Variants in ALPK2 observed in about 807,000 individuals in gnomAD.
ALPK2 encodes the protein alpha kinase 2.
A neutral mutation model predicts 163.1 loss-of-function variants in ALPK2; 127 were observed. That is an observed-to-expected ratio of 0.78 (90% CI 0.67 to 0.90). ALPK2 has a LOEUF of 0.90. Ranked by LOEUF, ALPK2 falls within the 40% of genes least tolerant of loss-of-function variation. ALPK2 has a pLI of 0.00. For missense variants in ALPK2, 2,360 were observed against 2,589.6 expected, an observed-to-expected ratio of 0.91 and a Z score of 1.92; for synonymous variants, 953 against 959.1, an observed-to-expected ratio of 0.99 and a Z score of 0.12.
intron 4 of ALPK2, chr18:58,544,518 G>GACAAGATGTACATGGAAA (rs1273994195): frequency 5.3e-5 from 8 of 152,298 alleles, no homozygotes; most frequent in African/African-American, 1.9e-4. Flanking sequence ...CAGTTGAAGA[G>GACAAGATGTACATGGAAA]ACAAGATGTA....
chr18:58,588,595 C>T (rs1036182232), intron 3 of ALPK2, among the ~76,000 whole-genome samples: 1 of 152,142 alleles, frequency 6.6e-6, no homozygotes, highest in Non-Finnish European at 1.5e-5. Flanking sequence ...AAACCCTGTC[C>T]ACCGACAGGC....
At chr18:58,518,761 C>G (rs1437499363) in intron 8 of ALPK2, among the ~76,000 whole-genome samples, 2 of 152,158 alleles carry the variant, frequency 1.3e-5, no homozygotes, top group African/African-American at 4.8e-5. Flanking sequence ...GGAGATTTTC[C>G]AGGGCTGTGG....
chr18:58,526,345 T>G (rs1382284766), intron 6 of ALPK2, among the ~76,000 whole-genome samples: 1 of 152,156 alleles, frequency 6.6e-6, no homozygotes, highest in Non-Finnish European at 1.5e-5. Flanking sequence ...AGCCAGGGCT[T>G]GGCAGCACCC....
chr18:58,556,388 A>G (rs1453039459), intron 4 of ALPK2, among the ~76,000 whole-genome samples: 1 of 152,242 alleles, frequency 6.6e-6, no homozygotes, highest in Non-Finnish European at 1.5e-5. Flanking sequence ...GCCTGGAGTC[A>G]GCAGCCTGCA....
chr18:58,580,141 G>T lies in ALPK2; in HGVS notation c.635C>A (p.Ala212Glu). 1 of 1,614,194 alleles carries T rather than the reference G, an allele frequency of 6.2e-7. No individual in the cohort carries two copies. Among genetic ancestry groups the T allele is most frequent in the South Asian group, 1.1e-5 (1 of 91,084 alleles). Residue 212 changes from alanine to glutamate, a missense_variant, in exon 4 of 13, where the codon GCA (alanine) becomes GAA (glutamate). Ala to Glu is a moderately radical substitution (Grantham distance 107). Coordinates refer to ENST00000361673, the MANE Select transcript of ALPK2 (RefSeq NM_052947.4). Reference sequence around the variant, plus strand: ...TGAATTAAGAAAAAGCAACCCATTTGCAATTTCTTCTGTGTTACTTGGATC... The same window carrying T: ...TGAATTAAGAAAAAGCAACCCATTTTCAATTTCTTCTGTGTTACTTGGATC... Reference protein sequence around the residue: ...AYDPSNTEEIANGLLFLNSSH... With the variant: ...AYDPSNTEEIENGLLFLNSSH...
At chr18:58,554,529 C>T (rs541200309) in intron 4 of ALPK2, among the ~76,000 whole-genome samples, 3 of 152,216 alleles carry the variant, frequency 2.0e-5, no homozygotes, top group Non-Finnish European at 4.4e-5. Context: ...CCTCCTTCCA[C>T]CCCATGGGGG....
At chr18:58,616,600 G>A (rs1424755599) in intron 1 of ALPK2, among the ~76,000 whole-genome samples, 5 of 152,158 alleles carry the variant, frequency 3.3e-5, no homozygotes, top group South Asian at 2.1e-4. Flanking sequence ...AGCTGAACAC[G>A]TGGAGGCTGA....
chr18:58,603,110 T>A (rs2052079696), intron 3 of ALPK2, among the ~76,000 whole-genome samples: 2 of 152,258 alleles, frequency 1.3e-5, no homozygotes, highest in African/African-American at 2.4e-5. Flanking sequence ...CCTATACCGC[T>A]GCTCTGCCAT....
At chr18:58,514,710 G>C (rs114766117) in intron 10 of ALPK2, among the ~76,000 whole-genome samples, 2,187 of 151,898 alleles carry the variant, frequency 0.014, 48 homozygotes, top group African/African-American at 0.05. Context: ...TAACATGGTA[G>C]ATTCATTTAT....
chr18:58,537,678 A>G lies in ALPK2; in HGVS notation c.2509T>C (p.Ser837Pro). 1 of 1,614,074 alleles carries G rather than the reference A, an allele frequency of 6.2e-7. No individual in the cohort carries two copies. Among genetic ancestry groups the G allele is most frequent in the South Asian group, 1.1e-5 (1 of 91,066 alleles). Reference sequence around the variant, plus strand: ...CCTTCTGCCAGTTCCGTATCTACAGAGCAAATTTCTTGAGGCGAATATTTA... The same window carrying G: ...CCTTCTGCCAGTTCCGTATCTACAGGGCAAATTTCTTGAGGCGAATATTTA... ...VDKYSPQEIC[S>P]VDTELAEGQN... The change falls in exon 5 of 13, where the codon TCT becomes CCT. Residue 837 changes from serine (S) to proline (P), a missense_variant. Coordinates refer to ENST00000361673, the MANE Select transcript of ALPK2 (RefSeq NM_052947.4).
chr18:58,513,136 C>T (rs1218716639), intron 10 of ALPK2, among the ~76,000 whole-genome samples: 2 of 125,390 alleles, frequency 1.6e-5, no homozygotes, highest in Non-Finnish European at 3.3e-5. Flanking sequence ...TGTATGTAAT[C>T]TGTGTGGTAT....
At chr18:58,622,718 A>T (rs148967955) in intron 1 of ALPK2, among the ~76,000 whole-genome samples, 28 of 152,308 alleles carry the variant, frequency 1.8e-4, no homozygotes, top group African/African-American at 6.7e-4. Context: ...ATGTGTCGTC[A>T]ATGTCATCAC....
At chr18:58,588,459 G>C (rs918311905) in intron 3 of ALPK2, among the ~76,000 whole-genome samples, 1 of 152,042 alleles carries the variant, frequency 6.6e-6, no homozygotes, top group Non-Finnish European at 1.5e-5. Context: ...AGGATGTGCA[G>C]GTTTCTTACA....
In ALPK2 at chr18:58,580,041, A is replaced by T; in HGVS notation, c.735T>A (p.Gly245=). The T allele has an allele frequency of 6.2e-6, 10 of 1,614,248 alleles. No individual in the cohort carries two copies. The highest frequency in any genetic ancestry group is 6.8e-6 in the Non-Finnish European group (8 of 1,180,042). Residue 245 remains glycine, a synonymous_variant, in exon 4 of 13, where the codon GGT becomes GGA. Transcript: ENST00000361673. Reference sequence around the variant, plus strand: ...CATGAGGACCATCATTGTTCAGGTCACCATCCGTGAACTTTGATGCCATGG... The same window carrying T: ...CATGAGGACCATCATTGTTCAGGTCTCCATCCGTGAACTTTGATGCCATGG... The part of the protein sequence containing the change: ...VHSMASKFTD[G]DLNNDGPHDE...
chr18:58,576,075 C>T (rs1432322441), intron 4 of ALPK2, among the ~76,000 whole-genome samples: 1 of 152,168 alleles, frequency 6.6e-6, no homozygotes, highest in Non-Finnish European at 1.5e-5. Flanking sequence ...AGGCAAGACT[C>T]AAGAATGGGC....
In ALPK2 at chr18:58,535,555, A is replaced by T. The variant is rs1362222374; in HGVS notation, c.4632T>A (p.Cys1544Ter). ...GAGAAGCGTGAGTCATTATTGGAAG[A>T]CAACTAGAAAGAGGTGAAGTGGGGG... is the stretch of plus-strand genomic sequence containing the variant. ...LISPTSPLSSCLPIMTHASLG... is the reference protein window; with the variant it reads ...LISPTSPLSS Residue 1544 changes from cysteine (C) to a stop codon, truncating the protein, a stop_gained, in exon 5 of 13, where the codon TGT (cysteine) becomes TGA (stop). Transcript: ENST00000361673. LOFTEE classifies it high-confidence loss of function. The T allele has an allele frequency of 1.2e-6, 2 of 1,614,232 alleles. No individual in the cohort carries two copies. Among genetic ancestry groups the T allele is most frequent in the Non-Finnish European group, 1.7e-6 (2 of 1,180,030 alleles).
chr18:58,520,319 C>T (rs2051543098), intron 8 of ALPK2, among the ~76,000 whole-genome samples: 1 of 146,868 alleles, frequency 6.8e-6, no homozygotes, highest in Non-Finnish European at 1.5e-5. Flanking sequence ...AATCCAACTA[C>T]TTGGGAGACT....
chr18:58,590,983 G>A (rs2052012118), intron 3 of ALPK2, among the ~76,000 whole-genome samples: 1 of 152,180 alleles, frequency 6.6e-6, no homozygotes, highest in South Asian at 2.1e-4. Flanking sequence ...ACCAAAGAGA[G>A]ACAGTAGATT....
Position 58,579,191 on chromosome 18 carries a change from T to C in ALPK2, c.1585A>G (p.Arg529Gly). ...RVGGKDLWSK[R>G]GSRKSARVRQ... is the part of the protein sequence containing the mutation. The stretch of plus-strand genomic sequence containing the variant: ...ACCCTGGCAGATTTCCTTGAACCCC[T>C]CTTGCTCCATAAGTCCTTTCCCCCC... Residue 529 changes from arginine (R) to glycine (G), a missense_variant, in exon 4 of 13, where the codon AGG becomes GGG. Coordinates refer to ENST00000361673, the MANE Select transcript of ALPK2 (RefSeq NM_052947.4). 1 of 1,614,130 alleles carries C rather than the reference T, an allele frequency of 6.2e-7. No homozygotes were observed. Among genetic ancestry groups the C allele is most frequent in the South Asian group, 1.1e-5 (1 of 91,084 alleles).
Sources: allele counts gnomAD v4.1 joint callset (sites outside exome capture counted in the v4.1 genomes callset), GRCh38; gene constraint gnomAD v4.1.1; transcripts MANE v1.5; gene names NCBI Gene and HGNC (gene_info 2026-07-23, HGNC 2026-07-21).